CNTN5: variants seen among roughly 807,000 people sequenced by gnomAD.
The protein encoded by CNTN5 is contactin-5.
In CNTN5, 77 loss-of-function variants were observed where a neutral mutation model predicts 129.1. That is an observed-to-expected ratio of 0.60 (90% CI 0.50 to 0.72). CNTN5 has a LOEUF of 0.72. Among genes scored for constraint, CNTN5 ranks in the 30% least tolerant of loss-of-function variants. The probability of loss-of-function intolerance (pLI) is 0.00; values close to 1 mark genes in which losing one functional copy is unlikely to be tolerated. For synonymous variants in CNTN5, 509 were observed against 465.6 expected (o/e 1.09, Z -1.20); for missense variants, 1,478 against 1,328.8 (o/e 1.11, Z -1.75).
At chr11:99,215,737 C>G (rs915514801) in intron 1 of CNTN5, among the ~76,000 whole-genome samples, 4 of 152,128 alleles carry the variant, frequency 2.6e-5, no homozygotes, top group Admixed American at 2.6e-4. Flanking sequence ...ACTACATTTT[C>G]TTTATCAGTT....
chr11:99,795,799 G>C (rs1167959980), intron 3 of CNTN5, among the ~76,000 whole-genome samples: 1 of 152,114 alleles, frequency 6.6e-6, no homozygotes, highest in African/African-American at 2.4e-5. Context: ...TTGTAACCCT[G>C]AGAGCAGTTA....
chr11:99,280,541 T>C (rs1227407353), intron 1 of CNTN5, among the ~76,000 whole-genome samples: 3 of 151,486 alleles, frequency 2.0e-5, no homozygotes, highest in Admixed American at 6.6e-5. Flanking sequence ...TATGGAAACA[T>C]ATCTGTTTAC....
chr11:100,208,637 T>G (rs959354964), intron 15 of CNTN5, among the ~76,000 whole-genome samples: 3 of 152,156 alleles, frequency 2.0e-5, no homozygotes, highest in African/African-American at 7.2e-5. Flanking sequence ...CTGCAAAATT[T>G]TGTGGCCATT....
intron 9 of CNTN5, among the ~76,000 whole-genome samples, chr11:100,041,328 A>G (rs765232335): frequency 1.6e-4 from 25 of 152,138 alleles, no homozygotes; most frequent in African/African-American, 3.4e-4. Flanking sequence ...ATCATGTCCA[A>G]TATTCTTTAA....
chr11:99,146,245 G>A (rs1859778225), intron 1 of CNTN5, among the ~76,000 whole-genome samples: 1 of 152,020 alleles, frequency 6.6e-6, no homozygotes, highest in African/African-American at 2.4e-5. Flanking sequence ...TCTGGGAAAC[G>A]CAAAAGTGGG....
chr11:100,280,069 G>C (rs1392404844), intron 18 of CNTN5, among the ~76,000 whole-genome samples: 1 of 151,210 alleles, frequency 6.6e-6, no homozygotes, highest in East Asian at 1.9e-4. Flanking sequence ...ATTGACCCAT[G>C]GGTCATTCAG....
chr11:99,754,848 A>G (rs1472944244), intron 3 of CNTN5, among the ~76,000 whole-genome samples: 1 of 152,188 alleles, frequency 6.6e-6, no homozygotes, highest in East Asian at 1.9e-4. Context: ...GTAAAATAAC[A>G]TCTACCCACC....
intron 2 of CNTN5, among the ~76,000 whole-genome samples, chr11:99,538,654 G>T (rs757014671): frequency 6.6e-6 from 1 of 152,098 alleles, no homozygotes; most frequent in Non-Finnish European, 1.5e-5. Context: ...AAATGGCAAA[G>T]AACAAAATTA....
chr11:99,709,248 C>T (rs576976685), intron 3 of CNTN5, among the ~76,000 whole-genome samples: 35 of 151,560 alleles, frequency 2.3e-4, no homozygotes, highest in Non-Finnish European at 4.6e-4. Context: ...TTTAAATGAA[C>T]GTAAGATTCA....
rs139449253 is a variant in CNTN5 at position 100,083,943 on chromosome 11, C to A, written c.1580+9649C>A. Among the ~76,000 whole-genome samples, 21 of 152,146 alleles carry A rather than the reference C, an allele frequency of 1.4e-4. No homozygotes were observed. The East Asian group carries it at 4.1e-3, about 29-fold the overall frequency. On this transcript the variant is annotated intron_variant, in intron 13 of 24. Coordinates refer to ENST00000524871, the MANE Select transcript of CNTN5 (RefSeq NM_014361.4). ...AATTGTTGAATATAATAAAATAAGT[C>A]TCAACTCCCAACGAGAGATAACACT... is the stretch of plus-strand genomic sequence containing the variant.
chr11:99,316,875 G>A (rs1865364987), intron 1 of CNTN5, among the ~76,000 whole-genome samples: 1 of 152,156 alleles, frequency 6.6e-6, no homozygotes, highest in African/African-American at 2.4e-5. Context: ...GGCTCTGGCT[G>A]CCAGCCAGGC....
At chr11:100,037,090 A>T (rs538557542) in intron 9 of CNTN5, among the ~76,000 whole-genome samples, 70 of 151,958 alleles carry the variant, frequency 4.6e-4, no homozygotes, top group Non-Finnish European at 8.4e-4. Flanking sequence ...ATTCACTATG[A>T]TATTGGCTGT....
intron 3 of CNTN5, among the ~76,000 whole-genome samples, chr11:99,746,355 A>T (rs1475260230): frequency 6.6e-6 from 1 of 152,170 alleles, no homozygotes; most frequent in East Asian, 1.9e-4. Context: ...TGTTCTTGGC[A>T]ATTTATCAAA....
At chr11:99,547,599 C>G (rs576860679) in intron 2 of CNTN5, among the ~76,000 whole-genome samples, 46 of 152,086 alleles carry the variant, frequency 3.0e-4, no homozygotes, top group African/African-American at 1.0e-3. Flanking sequence ...CAGCAGTTAC[C>G]CTAGAAAATT....
At chr11:99,087,788 A>G (rs1450362560) in intron 1 of CNTN5, among the ~76,000 whole-genome samples, 2 of 152,208 alleles carry the variant, frequency 1.3e-5, no homozygotes, top group East Asian at 1.9e-4. Flanking sequence ...ACCCAAGGCT[A>G]AAGAATAACA....
At chr11:100,183,725 A>C (rs1948210545) in intron 13 of CNTN5, among the ~76,000 whole-genome samples, 2 of 152,164 alleles carry the variant, frequency 1.3e-5, no homozygotes, top group Non-Finnish European at 2.9e-5. Context: ...ACAGACATAC[A>C]GGAAAACTTT....
intron 3 of CNTN5, among the ~76,000 whole-genome samples, chr11:99,794,470 G>T (rs1344975687): frequency 6.6e-6 from 1 of 152,042 alleles, no homozygotes; most frequent in Non-Finnish European, 1.5e-5. Context: ...CATCGTGTTT[G>T]TTAGCTGGGT....
At chr11:99,235,654 C>T (rs1861224246) in intron 1 of CNTN5, among the ~76,000 whole-genome samples, 1 of 152,024 alleles carries the variant, frequency 6.6e-6, no homozygotes, top group African/African-American at 2.4e-5. Context: ...CTTATTTTAT[C>T]CAGATTTGGT....
chr11:100,198,611 G>A (rs1466286732), intron 15 of CNTN5, among the ~76,000 whole-genome samples: 2 of 151,868 alleles, frequency 1.3e-5, no homozygotes, highest in East Asian at 3.9e-4. Context: ...AGAGATTATT[G>A]AGTTTGGCCT....
Sources: gnomAD v4.1 joint callset for allele counts (sites outside exome capture counted in the v4.1 genomes callset) on GRCh38, gnomAD v4.1.1 for gene constraint, MANE v1.5 for transcripts, NCBI Gene and HGNC (gene_info 2026-07-23, HGNC 2026-07-21) for gene names.